Variants in CAMTA1 observed in about 807,000 individuals in gnomAD.
CAMTA1 encodes the protein calmodulin-binding transcription activator 1.
Under a neutral mutation model 170.9 loss-of-function variants are expected in CAMTA1, and 27 were observed. The ratio of observed to expected loss-of-function variants is 0.16; its 90% confidence interval spans 0.12 to 0.22. The LOEUF is 0.22. CAMTA1 is among the 10% of genes least tolerant of loss of function. The pLI, the probability that CAMTA1 is intolerant of heterozygous loss-of-function variation, is 1.00. For missense variants in CAMTA1, 1,619 were observed against 2,217.2 expected, an observed-to-expected ratio of 0.73 and a Z score of 5.42; for synonymous variants, 833 against 891.5, an observed-to-expected ratio of 0.93 and a Z score of 1.17.
intron 4 of CAMTA1, among the ~76,000 whole-genome samples, chr1:7,101,759 C>T (rs1558097592): frequency 6.6e-6 from 1 of 152,234 alleles, no homozygotes; most frequent in Non-Finnish European, 1.5e-5. Flanking sequence ...ACACATGACA[C>T]ATATGCATGA....
intron 11 of CAMTA1, among the ~76,000 whole-genome samples, chr1:7,708,917 C>G (rs1030117130): frequency 3.9e-5 from 6 of 152,072 alleles, no homozygotes; most frequent in African/African-American, 1.4e-4. Context: ...TAATATTTAT[C>G]AACTACTAAA....
chr1:7,276,293 A>ATTT (rs1372402055), intron 5 of CAMTA1, among the ~76,000 whole-genome samples: 16 of 22,044 alleles, frequency 7.3e-4, no homozygotes, highest in African/African-American at 1.1e-3. Context: ...ATATATATAT[A>ATTT]TATATATATA....
chr1:6,984,881 C>T (rs1202736237), intron 3 of CAMTA1, among the ~76,000 whole-genome samples: 1 of 152,210 alleles, frequency 6.6e-6, no homozygotes. Context: ...CTGGGGACGA[C>T]AGTCTGGAGT....
intron 4 of CAMTA1, among the ~76,000 whole-genome samples, chr1:7,149,187 C>T (rs1234491493): frequency 3.3e-5 from 5 of 152,216 alleles, no homozygotes; most frequent in South Asian, 2.1e-4. Flanking sequence ...CGGCTTTCCC[C>T]GCAGGGAATT....
chr1:6,836,991 G>A (rs890532607), intron 3 of CAMTA1, among the ~76,000 whole-genome samples: 17 of 149,704 alleles, frequency 1.1e-4, no homozygotes, highest in African/African-American at 3.2e-4. Flanking sequence ...AGGCTGGAGT[G>A]CAGTGGCGCA....
At chr1:7,068,124 T>C (rs770529667) in intron 3 of CAMTA1, among the ~76,000 whole-genome samples, 2 of 152,154 alleles carry the variant, frequency 1.3e-5, no homozygotes, top group African/African-American at 2.4e-5. Flanking sequence ...TTTAAGGTAA[T>C]TTAGGTTGGA....
chr1:7,745,296 G>A (rs2150100408), intron 17 of CAMTA1, among the ~76,000 whole-genome samples: 1 of 152,230 alleles, frequency 6.6e-6, no homozygotes, highest in East Asian at 1.9e-4. Context: ...GGAGGCCAAG[G>A]CGGGTGGATC....
intron 5 of CAMTA1, among the ~76,000 whole-genome samples, chr1:7,417,512 GT>G (rs2091267826): frequency 6.6e-6 from 1 of 152,172 alleles, no homozygotes; most frequent in Admixed American, 6.5e-5. Flanking sequence ...CCGCCTTGCA[GT>G]TTGATCTCAG....
chr1:7,253,905 T>C (rs1666980947), intron 5 of CAMTA1, among the ~76,000 whole-genome samples: 1 of 152,108 alleles, frequency 6.6e-6, no homozygotes, highest in Non-Finnish European at 1.5e-5. Flanking sequence ...CAATAGGTGC[T>C]GGGATGCAGT....
rs1489342116 is a variant in CAMTA1 at position 6,858,488 on chromosome 1, G to GT, written c.234+33278_234+33279insT. Reference sequence around the variant, plus strand: ...GGTGGTGGTGTGTGTGTGTGTGTTGGGGGGGGGGTGTTGTGATTGTTTTAT... The same window carrying GT: ...GGTGGTGGTGTGTGTGTGTGTGTTGGTGGGGGGGGTGTTGTGATTGTTTTAT... On this transcript the variant is annotated intron_variant, in intron 3 of 22. Transcript: ENST00000303635. Among the ~76,000 whole-genome samples, 3 of 144,056 alleles carry GT rather than the reference G, an allele frequency of 2.1e-5. 1 individual carries two copies. The highest frequency in any genetic ancestry group is 2.5e-5 in the African/African-American group (1 of 39,228). 94.5% of individuals were successfully genotyped at this position (144,056 alleles called of 152,430 possible). A position where few individuals can be genotyped will look rare whatever the true frequency, so the allele number is the denominator to read the frequency against.
chr1:7,045,963 G>A (rs1705315923), intron 3 of CAMTA1, among the ~76,000 whole-genome samples: 1 of 152,212 alleles, frequency 6.6e-6, no homozygotes, highest in African/African-American at 2.4e-5. Flanking sequence ...GCATGGTTTA[G>A]GTTCTGCTGT....
intron 4 of CAMTA1, among the ~76,000 whole-genome samples, chr1:7,209,409 C>T (rs1286000611): frequency 6.6e-6 from 1 of 152,126 alleles, no homozygotes; most frequent in African/African-American, 2.4e-5. Flanking sequence ...TCTATTAACA[C>T]TTTGGGGTTG....
intron 5 of CAMTA1, among the ~76,000 whole-genome samples, chr1:7,309,609 T>C (rs1298604756): frequency 6.6e-6 from 1 of 152,186 alleles, no homozygotes; most frequent in Non-Finnish European, 1.5e-5. Flanking sequence ...TGAAAACTTT[T>C]ATTCCTTTGT....
chr1:6,973,911 C>T (rs953027273), intron 3 of CAMTA1, among the ~76,000 whole-genome samples: 4 of 152,208 alleles, frequency 2.6e-5, no homozygotes, highest in African/African-American at 7.2e-5. Flanking sequence ...GGGGCTTTCA[C>T]GTTTCTGAAT....
chr1:7,282,207 G>A (rs781477186), intron 5 of CAMTA1, among the ~76,000 whole-genome samples: 4 of 152,140 alleles, frequency 2.6e-5, no homozygotes, highest in Admixed American at 2.0e-4. Flanking sequence ...GGCAATTGTC[G>A]AAGCACGCTT....
chr1:6,829,131 G>A (rs948131895), intron 3 of CAMTA1, among the ~76,000 whole-genome samples: 44 of 151,972 alleles, frequency 2.9e-4, no homozygotes, highest in African/African-American at 1.0e-3. Flanking sequence ...TCGAACTCCT[G>A]ACCTCAGGTG....
intron 4 of CAMTA1, among the ~76,000 whole-genome samples, chr1:7,153,564 C>T (rs1052523355): frequency 2.0e-5 from 3 of 152,030 alleles, no homozygotes; most frequent in Non-Finnish European, 2.9e-5. Flanking sequence ...TAACACAAAC[C>T]GACGGGGACA....
chr1:7,103,057 T>G (rs1436163845), intron 4 of CAMTA1, among the ~76,000 whole-genome samples: 1 of 150,256 alleles, frequency 6.7e-6, no homozygotes, highest in Non-Finnish European at 1.5e-5. Flanking sequence ...AGGGAGAGGC[T>G]GCCCCTCTAG....
chr1:6,990,040 C>A (rs1391821959), intron 3 of CAMTA1, among the ~76,000 whole-genome samples: 1 of 152,130 alleles, frequency 6.6e-6, no homozygotes, highest in Non-Finnish European at 1.5e-5. Flanking sequence ...CCAAGCCCTT[C>A]TGCTAACATC....
Sources: gnomAD v4.1 joint callset for allele counts (sites outside exome capture counted in the v4.1 genomes callset) on GRCh38, gnomAD v4.1.1 for gene constraint, MANE v1.5 for transcripts, NCBI Gene and HGNC (gene_info 2026-07-23, HGNC 2026-07-21) for gene names.